Variants in OTUD7A observed in about 807,000 individuals in gnomAD.
The protein encoded by OTUD7A is OTU domain-containing protein 7A.
OTUD7A carries 12 observed loss-of-function variants against 65.7 expected under a neutral mutation model. The observed-to-expected ratio is 0.18, with a 90% CI of 0.12 to 0.30. The LOEUF is 0.30. Among genes scored for constraint, OTUD7A ranks in the 10% least tolerant of loss-of-function variants. The pLI, the probability that OTUD7A is intolerant of heterozygous loss-of-function variation, is 1.00. For synonymous variants in OTUD7A, 641 were observed against 586.3 expected (o/e 1.09, Z -1.35); for missense variants, 1,148 against 1,304.8 (o/e 0.88, Z 1.85).
At chr15:31,801,366 G>A (rs1247436999) in intron 1 of OTUD7A, among the ~76,000 whole-genome samples, 1 of 152,234 alleles carries the variant, frequency 6.6e-6, no homozygotes, top group Admixed American at 6.5e-5. Context: ...CTGATGGCAG[G>A]TGGCCAGGGC....
In OTUD7A at chr15:31,478,394, C is replaced by G. The variant is rs1369759436; in HGVS notation, c.*4900G>C. 1 of 152,154 alleles carries G rather than the reference C, an allele frequency of 6.6e-6. No individual in the cohort carries two copies. The highest frequency in any genetic ancestry group is 1.5e-5 in the Non-Finnish European group (1 of 68,038). The allele number at this position is 152,154 out of a possible 1,614,324, so 9.4% of individuals were successfully genotyped here. ...GCTCTTTGGGAGGAATAAAAAGATG[C>G]AAGCAATGTGCATCATTCTGTATGT... On this transcript the variant is annotated 3_prime_UTR_variant, in exon 13 of 13. Coordinates refer to ENST00000307050, the MANE Select transcript of OTUD7A (RefSeq NM_001382637.1).
chr15:31,560,951 G>A (rs1888668440), intron 4 of OTUD7A, among the ~76,000 whole-genome samples: 1 of 152,210 alleles, frequency 6.6e-6, no homozygotes, highest in African/African-American at 2.4e-5. Context: ...ATGGAGTTTT[G>A]TTACAACAGA....
intron 1 of OTUD7A, among the ~76,000 whole-genome samples, chr15:31,770,335 C>T (rs1895200846): frequency 6.6e-6 from 1 of 152,090 alleles, no homozygotes; most frequent in African/African-American, 2.4e-5. Context: ...TGGACAAATT[C>T]TTAGAAATAT....
chr15:31,642,626 C>T (rs1235365553), intron 3 of OTUD7A, among the ~76,000 whole-genome samples: 1 of 151,484 alleles, frequency 6.6e-6, no homozygotes. Flanking sequence ...TATTTTGTAC[C>T]TTTCAAATAA....
intron 1 of OTUD7A, among the ~76,000 whole-genome samples, chr15:31,842,054 C>T (rs185187299): frequency 3.9e-5 from 6 of 152,340 alleles, no homozygotes; most frequent in Non-Finnish European, 8.8e-5. Context: ...ATTTGCACTG[C>T]ACTGAGAATT....
intron 3 of OTUD7A, among the ~76,000 whole-genome samples, chr15:31,647,311 C>T (rs180931143): frequency 5.3e-5 from 8 of 152,314 alleles, no homozygotes; most frequent in African/African-American, 1.2e-4. Context: ...CACTTGAAAA[C>T]GCCAGAGCCG....
intron 1 of OTUD7A, among the ~76,000 whole-genome samples, chr15:31,714,000 G>C (rs12591466): frequency 7.0e-6 from 1 of 143,258 alleles, no homozygotes; most frequent in Non-Finnish European, 1.5e-5. Context: ...AAGATGTGAC[G>C]CAACCAGGGC....
chr15:31,698,109 C>T (rs1408887901), intron 1 of OTUD7A, among the ~76,000 whole-genome samples: 2 of 152,174 alleles, frequency 1.3e-5, no homozygotes, highest in South Asian at 2.1e-4. Flanking sequence ...ATTTCAAAAT[C>T]GTTAAAATTA....
chr15:31,602,594 T>C (rs1890111954), intron 3 of OTUD7A, among the ~76,000 whole-genome samples: 1 of 152,204 alleles, frequency 6.6e-6, no homozygotes, highest in African/African-American at 2.4e-5. Flanking sequence ...GTATTGGAAG[T>C]TCTAGCCAGG....
intron 3 of OTUD7A, among the ~76,000 whole-genome samples, chr15:31,630,414 C>G (rs1891105754): frequency 6.6e-6 from 1 of 152,192 alleles, no homozygotes; most frequent in South Asian, 2.1e-4. Flanking sequence ...CAGTGAGTTT[C>G]TTAGTCCTGA....
chr15:31,806,036 T>C (rs754897310), intron 1 of OTUD7A, among the ~76,000 whole-genome samples: 1 of 152,252 alleles, frequency 6.6e-6, no homozygotes, highest in Non-Finnish European at 1.5e-5. Flanking sequence ...TCTACAAGTT[T>C]AGGAATTACA....
intron 1 of OTUD7A, among the ~76,000 whole-genome samples, chr15:31,732,633 A>C (rs1041094428): frequency 1.3e-5 from 2 of 152,238 alleles, no homozygotes; most frequent in Non-Finnish European, 2.9e-5. Context: ...ACAAGCATGC[A>C]CTTCCCAAGT....
intron 9 of OTUD7A, among the ~76,000 whole-genome samples, 168 bp from the exon 10 acceptor site, chr15:31,502,007 A>AGT (rs2041476351): frequency 6.6e-6 from 1 of 152,118 alleles, no homozygotes; most frequent in Admixed American, 6.5e-5. Context: ...GGGTTTCCAG[A>AGT]GTCATCTGTC....
chr15:31,597,932 G>C (rs1889955211), intron 3 of OTUD7A, among the ~76,000 whole-genome samples: 1 of 152,234 alleles, frequency 6.6e-6, no homozygotes, highest in African/African-American at 2.4e-5. Flanking sequence ...CTGTGGGTGT[G>C]AGTAAAAGCA....
intron 1 of OTUD7A, among the ~76,000 whole-genome samples, chr15:31,853,114 C>A (rs912703836): frequency 6.6e-6 from 1 of 152,186 alleles, no homozygotes; most frequent in African/African-American, 2.4e-5. Flanking sequence ...AATAAAAGAG[C>A]CTTTGTGAAG....
chr15:31,718,452 T>A lies in OTUD7A; in HGVS notation c.-99-61375A>T, dbSNP rs535578223. 2.0e-5 allele frequency among the ~76,000 whole-genome samples: 3 copies of A among 152,192 alleles called. No homozygotes were observed. The South Asian group carries it at 6.2e-4, about 32-fold the overall frequency. ...TCTCTATTCATCCATTTCTTTCTTT[T>A]AATACAAACATATGCATTTTTCTTA... On this transcript the variant is annotated intron_variant, in intron 1 of 12. Transcript: ENST00000307050.
At chr15:31,650,124 A>C (rs1891794774) in intron 3 of OTUD7A, among the ~76,000 whole-genome samples, 1 of 102,880 alleles carries the variant, frequency 9.7e-6, no homozygotes, top group Non-Finnish European at 1.8e-5. Context: ...GAGAAATGGC[A>C]GATAATTAAA....
chr15:31,542,479 G>A (rs1402105185), intron 5 of OTUD7A, among the ~76,000 whole-genome samples: 1 of 151,932 alleles, frequency 6.6e-6, no homozygotes, highest in Admixed American at 6.6e-5. Context: ...GCAACAAAGA[G>A]GGAAAGAGAA....
At chr15:31,818,574 C>T (rs1324861007) in intron 1 of OTUD7A, among the ~76,000 whole-genome samples, 1 of 152,290 alleles carries the variant, frequency 6.6e-6, no homozygotes, top group East Asian at 1.9e-4. Flanking sequence ...AGGTGATGTG[C>T]CTCTTCCAGG....
Sources: allele counts gnomAD v4.1 joint callset (sites outside exome capture counted in the v4.1 genomes callset), GRCh38; gene constraint gnomAD v4.1.1; transcripts MANE v1.5; gene names NCBI Gene and HGNC (gene_info 2026-07-23, HGNC 2026-07-21).